The following TCAF1 variants were observed in gnomAD, a reference collection of about 807,000 sequenced individuals.
The protein encoded by TCAF1 is TRPM8 channel associated factor 1, also known as TRPM8 channel-associated factor 1.
A neutral mutation model predicts 27.3 loss-of-function variants in TCAF1; 4 were observed. That is an observed-to-expected ratio of 0.15 (90% CI 0.07 to 0.34). The LOEUF is 0.34. TCAF1 is among the 10% of genes least tolerant of loss of function. The pLI, the probability that TCAF1 is intolerant of heterozygous loss-of-function variation, is 1.00. For synonymous variants in TCAF1, 105 were observed against 167.1 expected (o/e 0.63, Z 2.87); for missense variants, 257 against 425.8 (o/e 0.60, Z 3.49).
chr7:143,867,735 T>C (rs1371145875), intron 2 of TCAF1, among the ~76,000 whole-genome samples: 1 of 81,492 alleles, frequency 1.2e-5, no homozygotes, highest in Non-Finnish European at 2.7e-5. Flanking sequence ...TTTTCTCCTA[T>C]GCTTTCATTT....
intron 1 of TCAF1, chr7:143,885,366 C>T (rs1183326814): frequency 2.0e-6 from 2 of 984,002 alleles, no homozygotes; most frequent in Non-Finnish European, 2.4e-6. Flanking sequence ...GCAGTGCAGA[C>T]GGTTGGGGGT....
At chr7:143,884,254 A>G (rs1393191069) in intron 1 of TCAF1, among the ~76,000 whole-genome samples, 3 of 152,132 alleles carry the variant, frequency 2.0e-5, no homozygotes, top group Admixed American at 6.5e-5. Flanking sequence ...AACCCAAGCC[A>G]TACTCCCTTT....
chr7:143,899,165 T>C (rs1055288990), intron 1 of TCAF1, among the ~76,000 whole-genome samples: 3 of 152,176 alleles, frequency 2.0e-5, no homozygotes, highest in Admixed American at 6.5e-5. Context: ...TTCCAACAGG[T>C]TTATTTGCTT....
At chr7:143,869,112 C>T (rs1812313932) in intron 2 of TCAF1, among the ~76,000 whole-genome samples, 1 of 136,688 alleles carries the variant, frequency 7.3e-6, no homozygotes, top group Admixed American at 7.8e-5. Context: ...AAATGATTCT[C>T]ATGCCTCAGC....
chr7:143,884,260 C>G (rs1328620243), intron 1 of TCAF1, among the ~76,000 whole-genome samples: 1 of 152,106 alleles, frequency 6.6e-6, no homozygotes, highest in Admixed American at 6.5e-5. Flanking sequence ...AGCCATACTC[C>G]CTTTCCCCAT....
intron 6 of TCAF1, among the ~76,000 whole-genome samples, 188 bp downstream of exon 6, chr7:143,860,020 T>TTATATATTA (rs1280629563): frequency 7.3e-5 from 1 of 13,756 alleles, no homozygotes; most frequent in African/African-American, 1.8e-4. Flanking sequence ...ATAATATATA[T>TTATATATTA]TATATATTAT....
At chr7:143,875,382 C>T (rs910149025) in intron 2 of TCAF1, among the ~76,000 whole-genome samples, 4 of 152,182 alleles carry the variant, frequency 2.6e-5, no homozygotes, top group Non-Finnish European at 5.9e-5. Context: ...GCAAAGCAGG[C>T]AGGGCAGTAC....
Position 143,876,270 on chromosome 7 carries a change from C to T in TCAF1, c.339G>A (p.Lys113=), listed in dbSNP as rs917822594. 6.2e-7 allele frequency: 1 copy of T among 1,614,208 alleles called. No homozygotes were observed. Residue 113 remains lysine, a synonymous_variant, in exon 2 of 9, where the codon AAG becomes AAA. Transcript: ENST00000479870. Reference sequence around the variant, plus strand: ...GGGAGTCTTTCACTTCTGGCTCAACCTTTGCATCCACTCCAGAGCCCTCGA... The same window carrying T: ...GGGAGTCTTTCACTTCTGGCTCAACTTTTGCATCCACTCCAGAGCCCTCGA... ...KILEGSGVDA[K]VEPEVKDSLG...
chr7:143,882,508 C>A, intron 1 of TCAF1: 1 of 985,336 alleles, frequency 1.0e-6, no homozygotes, highest in Non-Finnish European at 1.2e-6. Flanking sequence ...CAGGGGGATG[C>A]GGGACCCAAG....
chr7:143,897,964 T>C (rs1813963282), intron 1 of TCAF1, among the ~76,000 whole-genome samples: 2 of 152,132 alleles, frequency 1.3e-5, no homozygotes. Context: ...ATATCCAATG[T>C]TTACCTTTTG....
chr7:143,882,757 C>CGGGGGCA lies in TCAF1; in HGVS notation c.-14-6142_-14-6136dup, dbSNP rs779226282. On this transcript the variant is annotated intron_variant, in intron 1 of 8. Transcript: ENST00000479870. ...TCACCAGGTCACCCTGCGATTTCCA[C>CGGGGGCA]GGGGGCAGGTGGGAGCGGGCAGAGC... 3.8e-4 allele frequency: 373 copies of CGGGGGCA among 985,714 alleles called. 1 individual carries two copies. The highest frequency in any genetic ancestry group is 6.1e-4 in the Admixed American group (10 of 16,274). 61.1% of individuals were successfully genotyped at this position (985,714 alleles called of 1,614,324 possible).
intron 1 of TCAF1, among the ~76,000 whole-genome samples, chr7:143,894,295 A>G (rs1022199357): frequency 2.0e-5 from 3 of 151,904 alleles, no homozygotes; most frequent in Non-Finnish European, 4.4e-5. Context: ...TGAGAAAAAT[A>G]TAATACTAAT....
rs890768472 is a variant in TCAF1, at chr7:143,886,383, C to T, written c.-14-9761G>A. 3.7e-5 allele frequency: 15 copies of T among 404,852 alleles called. No homozygotes were observed. In the East Asian group the frequency reaches 2.3e-3, roughly 61 times the overall value. 25.1% of individuals were successfully genotyped at this position (404,852 alleles called of 1,614,324 possible). The stretch of plus-strand genomic sequence containing the variant: ...TGGACCTTCCAGGGGAAGGTGGCTT[C>T]AGTGGTGAAAGGGACAGGGTACGAC... On this transcript the variant is annotated intron_variant, in intron 1 of 8. Coordinates refer to ENST00000479870, the MANE Select transcript of TCAF1 (RefSeq NM_014719.3).
At chr7:143,891,101 T>C (rs1420844895) in intron 1 of TCAF1, among the ~76,000 whole-genome samples, 1 of 152,226 alleles carries the variant, frequency 6.6e-6, no homozygotes, top group Non-Finnish European at 1.5e-5. Flanking sequence ...AATGGGCTAG[T>C]CCTAACAAAG....
rs190466182 is a variant in TCAF1, at chr7:143,883,031, A to C, written c.-14-6409T>G. 1.4e-3 allele frequency: 297 copies of C among 208,542 alleles called. 1 individual carries two copies. The highest frequency in any genetic ancestry group is 2.2e-3 in the Non-Finnish European group (265 of 119,526). 12.9% of individuals were successfully genotyped at this position (208,542 alleles called of 1,614,324 possible). ...ATTGCTGTGGCTTAGGGACGCCTGG[A>C]GACCCCATCCTGGCAGTGTGGACGG... On this transcript the variant is annotated intron_variant, in intron 1 of 8. Coordinates refer to ENST00000479870, the MANE Select transcript of TCAF1 (RefSeq NM_014719.3).
chr7:143,878,450 T>C (rs889668296), intron 1 of TCAF1, among the ~76,000 whole-genome samples: 1 of 152,206 alleles, frequency 6.6e-6, no homozygotes, highest in African/African-American at 2.4e-5. Flanking sequence ...GCTGTGGGCC[T>C]TCCACAAGCC....
intron 2 of TCAF1, 95 bp downstream of exon 2, chr7:143,875,894 A>G: frequency 9.1e-7 from 1 of 1,101,070 alleles, no homozygotes; most frequent in Non-Finnish European, 1.3e-6. Flanking sequence ...AGTGCCTGGG[A>G]GCACTCTTCT....
chr7:143,879,929 C>T (rs1410389160), intron 1 of TCAF1, among the ~76,000 whole-genome samples: 2 of 152,082 alleles, frequency 1.3e-5, no homozygotes, highest in Non-Finnish European at 2.9e-5. Context: ...AGAACAGGGA[C>T]CTCACATATC....
At chr7:143,878,161 T>A (rs939779740) in intron 1 of TCAF1, among the ~76,000 whole-genome samples, 2 of 152,240 alleles carry the variant, frequency 1.3e-5, no homozygotes, top group African/African-American at 2.4e-5. Flanking sequence ...TGCCTTTTCA[T>A]AAGTATTATT....
Sources: gnomAD v4.1 joint callset for allele counts (sites outside exome capture counted in the v4.1 genomes callset) on GRCh38, gnomAD v4.1.1 for gene constraint, MANE v1.5 for transcripts, NCBI Gene and HGNC (gene_info 2026-07-23, HGNC 2026-07-21) for gene names.